The following SYT3 variants were observed in gnomAD, a reference collection of about 807,000 sequenced individuals.
SYT3 encodes synaptotagmin-3.
In SYT3, 25 loss-of-function variants were observed where a neutral mutation model predicts 50.6. The observed-to-expected ratio is 0.49, with a 90% CI of 0.36 to 0.69. The LOEUF is 0.69. Ranked by LOEUF, SYT3 falls within the 30% of genes least tolerant of loss-of-function variation. The pLI, the probability that SYT3 is intolerant of heterozygous loss-of-function variation, is 0.00. For synonymous variants in SYT3, 323 were observed against 353.9 expected (o/e 0.91, Z 0.98); for missense variants, 589 against 793.6 (o/e 0.74, Z 3.10).
At chr19:50,655,315 G>A in the SYT3 span, among the ~76,000 whole-genome samples, 1 of 152,156 alleles carries the variant, frequency 6.6e-6, no homozygotes, top group Non-Finnish European at 1.5e-5. Context: ...ACTGTTATCT[G>A]TGAAGTTCCA....
At chr19:50,647,990 C>T in the SYT3 span, among the ~76,000 whole-genome samples, 22 of 152,224 alleles carry the variant, frequency 1.4e-4, no homozygotes, top group African/African-American at 3.4e-4. Flanking sequence ...TTGCTAATAA[C>T]GGAAACGCAA....
intron 6 of SYT3, 50 bp from the exon 7 acceptor site, chr19:50,626,067 C>T: frequency 1.3e-6 from 2 of 1,594,518 alleles, no homozygotes; most frequent in Non-Finnish European, 1.7e-6. Flanking sequence ...CCCTCTTCAA[C>T]TCTCCCTGAT....
the SYT3 span, among the ~76,000 whole-genome samples, chr19:50,646,400 T>C: frequency 6.8e-6 from 1 of 147,768 alleles, no homozygotes; most frequent in African/African-American, 2.4e-5. Flanking sequence ...ACAGGGCAGA[T>C]GGGGTTAGGG....
chr19:50,625,783 CAG>C lies in SYT3; in HGVS notation c.1402+112_1402+113del. ...CCCTCCTCCCTCAGACCCAGGAGTC[CAG>C]ATCCCCAGCTCCTCCTCCCTCAGAC... is the stretch of plus-strand genomic sequence containing the variant. On this transcript the variant is annotated intron_variant, in intron 7 of 10. Transcript: ENST00000600079. The surrounding 1 kb of genome is among the most constrained non-coding windows in gnomAD (Gnocchi z 7.5). 78 of 598,028 alleles carry C rather than the reference CAG, an allele frequency of 1.3e-4. 29 individuals are homozygous for C. The highest frequency in any genetic ancestry group is 2.2e-4 in the South Asian group (12 of 54,338). The allele number at this position is 598,028 out of a possible 1,614,324, so 37.0% of individuals were successfully genotyped here.
At chr19:50,627,931 C>T (rs1027652554) in intron 6 of SYT3, among the ~76,000 whole-genome samples, 1 of 152,144 alleles carries the variant, frequency 6.6e-6, no homozygotes, top group Non-Finnish European at 1.5e-5. Flanking sequence ...CACAGGGGCC[C>T]TGGGACCTTG....
intron 6 of SYT3, among the ~76,000 whole-genome samples, chr19:50,627,161 A>G (rs1047986066): frequency 3.3e-5 from 5 of 152,088 alleles, no homozygotes; most frequent in South Asian, 2.1e-4. Context: ...CGGCCTCCCA[A>G]CTGTGCCCAG....
chr19:50,625,756 G>A lies in SYT3; in HGVS notation c.1402+141C>T. ...TCCGACCCAGGAGTCCAGGCCCCTG[G>A]CCCCTCCTCCCTCAGACCCAGGAGT... On this transcript the variant is annotated intron_variant, in intron 7 of 10. Transcript: ENST00000600079. The surrounding 1 kb of genome is among the most constrained non-coding windows in gnomAD (Gnocchi z 7.5). 1 of 921,914 alleles carries A rather than the reference G, an allele frequency of 1.1e-6. No homozygotes were observed. Among genetic ancestry groups the A allele is most frequent in the Non-Finnish European group, 1.6e-6 (1 of 632,148 alleles). The allele number at this position is 921,914 out of a possible 1,614,324, so 57.1% of individuals were successfully genotyped here.
chr19:50,650,649 T>A, the SYT3 span, among the ~76,000 whole-genome samples: 1 of 151,982 alleles, frequency 6.6e-6, no homozygotes, highest in Non-Finnish European at 1.5e-5. Flanking sequence ...CCAGCCTGGG[T>A]GATGGAGGGA....
At chr19:50,646,527 T>A in the SYT3 span, among the ~76,000 whole-genome samples, 1 of 152,106 alleles carries the variant, frequency 6.6e-6, no homozygotes, top group East Asian at 1.9e-4. Flanking sequence ...GAGCCAGAGA[T>A]GAGTCAGGAA....
At chr19:50,653,587 A>T in the SYT3 span, among the ~76,000 whole-genome samples, 1 of 151,648 alleles carries the variant, frequency 6.6e-6, no homozygotes, top group African/African-American at 2.4e-5. Context: ...TGTGTGTGAG[A>T]GTGTGCAGGA....
chr19:50,645,218 G>A, the SYT3 span, among the ~76,000 whole-genome samples: 1 of 152,218 alleles, frequency 6.6e-6, no homozygotes, highest in Admixed American at 6.5e-5. Context: ...CTGATTCAGG[G>A]GTGTGTGTTT....
chr19:50,632,462 C>T lies in SYT3; in HGVS notation c.498G>A (p.Ser166=), dbSNP rs1465745979. ...TPEPSYLDMD[S]YPEAAAAAVA... is the part of the protein sequence containing the mutation. ...CTGCTGCTGCTGCAGCCTCTGGATACGAGTCCATGTCCAAGTAGGAGGGCT... is the reference window on the plus strand; with the variant it reads ...CTGCTGCTGCTGCAGCCTCTGGATATGAGTCCATGTCCAAGTAGGAGGGCT... Residue 166 remains serine, a synonymous_variant, in exon 4 of 11, where the codon TCG becomes TCA. Transcript: ENST00000600079. This position sits in a 1 kb window ranked among gnomAD's most constrained non-coding sequence, Gnocchi z 4.7. 3.0e-5 allele frequency: 49 copies of T among 1,613,434 alleles called. No homozygotes were observed. The highest frequency in any genetic ancestry group is 1.6e-4 in the Middle Eastern group (1 of 6,062).
chr19:50,641,371 C>T (rs1200275337), upstream of SYT3, among the ~76,000 whole-genome samples: 4 of 149,854 alleles, frequency 2.7e-5, no homozygotes, highest in Non-Finnish European at 5.9e-5. Context: ...TTAGTAAAGA[C>T]GGGGTTTCAC....
intron 4 of SYT3, 91 bp from the exon 5 acceptor site, chr19:50,630,262 C>G (rs1203491722): frequency 7.6e-7 from 1 of 1,314,930 alleles, no homozygotes; most frequent in East Asian, 2.7e-5. Context: ...CCTGCCTTTC[C>G]CCCCATCCCC....
chr19:50,656,388 G>C, the SYT3 span: 2 of 1,508,790 alleles, frequency 1.3e-6, no homozygotes, highest in Non-Finnish European at 1.8e-6. Context: ...AGTTTTGGTG[G>C]GGTGATGGGA....
the SYT3 span, among the ~76,000 whole-genome samples, chr19:50,646,336 C>G: frequency 6.6e-6 from 1 of 152,156 alleles, no homozygotes; most frequent in Non-Finnish European, 1.5e-5. Flanking sequence ...CTGTTTGATG[C>G]CAGAGCCCAT....
At chr19:50,623,676 C>A (rs1983935519) in intron 9 of SYT3, among the ~76,000 whole-genome samples, 1 of 145,844 alleles carries the variant, frequency 6.9e-6, no homozygotes, top group African/African-American at 2.6e-5. Flanking sequence ...GTGGCACACG[C>A]CTGTAGTCCC....
chr19:50,657,379 C>T, the SYT3 span, among the ~76,000 whole-genome samples: 7 of 152,288 alleles, frequency 4.6e-5, no homozygotes, highest in East Asian at 5.8e-4. Flanking sequence ...TCAGTGAAAT[C>T]GTGAAAATTT....
chr19:50,645,078 C>T, the SYT3 span, among the ~76,000 whole-genome samples: 8 of 152,356 alleles, frequency 5.3e-5, no homozygotes, highest in African/African-American at 1.7e-4. Context: ...CACTTGTTCT[C>T]CTGGTGCTCC....
Sources: allele counts gnomAD v4.1 joint callset (sites outside exome capture counted in the v4.1 genomes callset), GRCh38; gene constraint gnomAD v4.1.1; non-coding constraint Gnocchi (gnomAD v3.1); transcripts MANE v1.5; gene names NCBI Gene and HGNC (gene_info 2026-07-23, HGNC 2026-07-21).